The following CDKAL1 variants were observed in gnomAD, a reference collection of about 807,000 sequenced individuals.
CDKAL1 encodes threonylcarbamoyladenosine tRNA methylthiotransferase.
CDKAL1 carries 32 observed loss-of-function variants against 68.2 expected under a neutral mutation model. The ratio of observed to expected loss-of-function variants is 0.47; its 90% CI spans 0.35 to 0.63. CDKAL1 has a LOEUF of 0.63. Ranked by LOEUF, CDKAL1 falls within the 30% of genes least tolerant of loss-of-function variation. The pLI is 0.00. For missense variants in CDKAL1, 606 were observed against 696.7 expected (o/e 0.87, Z 1.47); for synonymous variants, 234 against 244.3 (o/e 0.96, Z 0.39).
At chr6:20,995,133 G>A (rs1394156980) in intron 10 of CDKAL1, among the ~76,000 whole-genome samples, 1 of 152,120 alleles carries the variant, frequency 6.6e-6, no homozygotes, top group Non-Finnish European at 1.5e-5. Flanking sequence ...CATATCTTCA[G>A]GCTCCACTTG....
intron 6 of CDKAL1, among the ~76,000 whole-genome samples, chr6:20,743,614 T>G (rs1159123005): frequency 6.6e-6 from 1 of 152,210 alleles, no homozygotes; most frequent in African/African-American, 2.4e-5. Context: ...TAAGCAATTT[T>G]TTGACCTCTG....
At chr6:21,138,901 T>C (rs1490156957) in intron 13 of CDKAL1, among the ~76,000 whole-genome samples, 2 of 152,214 alleles carry the variant, frequency 1.3e-5, no homozygotes, top group Non-Finnish European at 2.9e-5. Flanking sequence ...AGCTTCTCCT[T>C]TCTCCTTCTG....
intron 10 of CDKAL1, among the ~76,000 whole-genome samples, chr6:20,986,772 T>C (rs1327168123): frequency 1.3e-5 from 2 of 152,198 alleles, no homozygotes; most frequent in Non-Finnish European, 2.9e-5. Flanking sequence ...AGAACTGATA[T>C]GGCAGGTCAC....
intron 12 of CDKAL1, among the ~76,000 whole-genome samples, chr6:21,104,518 TA>T (rs144867495): frequency 2.5e-4 from 37 of 146,762 alleles, no homozygotes; most frequent in Middle Eastern, 3.4e-3. Context: ...AAACTTTATT[TA>T]AAAAAAAAAA....
At chr6:20,727,375 C>T (rs931378176) in intron 5 of CDKAL1, among the ~76,000 whole-genome samples, 1 of 152,106 alleles carries the variant, frequency 6.6e-6, no homozygotes, top group Non-Finnish European at 1.5e-5. Context: ...CAGGGTTTAA[C>T]AAATGAATGT....
chr6:20,625,526 T>A (rs1457474061), intron 4 of CDKAL1, among the ~76,000 whole-genome samples: 1 of 152,030 alleles, frequency 6.6e-6, no homozygotes, highest in Non-Finnish European at 1.5e-5. Context: ...TCCCTGAAAA[T>A]CAGTGCTTTC....
chr6:21,195,141 A>T (rs1778411422), intron 13 of CDKAL1, among the ~76,000 whole-genome samples: 1 of 152,004 alleles, frequency 6.6e-6, no homozygotes, highest in African/African-American at 2.4e-5. Flanking sequence ...TAGCCTTCCT[A>T]GGCTCAGTTT....
chr6:20,637,543 A>G (rs1767963221), intron 4 of CDKAL1, among the ~76,000 whole-genome samples: 1 of 152,228 alleles, frequency 6.6e-6, no homozygotes, highest in African/African-American at 2.4e-5. Flanking sequence ...AGCCTGGGCA[A>G]CAGAGCGAAA....
chr6:21,184,488 G>T (rs189827480), intron 13 of CDKAL1, among the ~76,000 whole-genome samples: 1 of 151,800 alleles, frequency 6.6e-6, no homozygotes, highest in Non-Finnish European at 1.5e-5. Context: ...GAGCCACCAC[G>T]CAGAAACCAG....
At chr6:20,544,424 C>T (rs545943718) in intron 2 of CDKAL1, among the ~76,000 whole-genome samples, 78 of 151,278 alleles carry the variant, frequency 5.2e-4, no homozygotes, top group African/African-American at 1.8e-3. Context: ...GGTGAAACCC[C>T]GTCTCTACTA....
chr6:20,902,217 T>A (rs1391534826), intron 9 of CDKAL1, among the ~76,000 whole-genome samples: 2 of 152,020 alleles, frequency 1.3e-5, no homozygotes, highest in African/African-American at 4.8e-5. Flanking sequence ...TTCCAAAGGA[T>A]CAGTAGCTGC....
At chr6:21,034,814 C>G (rs1195391254) in intron 11 of CDKAL1, among the ~76,000 whole-genome samples, 1 of 152,238 alleles carries the variant, frequency 6.6e-6, no homozygotes. Flanking sequence ...AAAAATCTTG[C>G]TTTGACTTGA....
chr6:20,719,676 A>C (rs1232837285), intron 5 of CDKAL1, among the ~76,000 whole-genome samples: 1 of 152,220 alleles, frequency 6.6e-6, no homozygotes. Context: ...TAAAAACCAC[A>C]CAGAAATGTA....
At chr6:20,973,919 T>C (rs1170795830) in intron 10 of CDKAL1, among the ~76,000 whole-genome samples, 1 of 152,206 alleles carries the variant, frequency 6.6e-6, no homozygotes, top group Non-Finnish European at 1.5e-5. Context: ...TCATCATTTC[T>C]GACTAGCAAT....
intron 7 of CDKAL1, among the ~76,000 whole-genome samples, chr6:20,773,524 T>C (rs1490419545): frequency 6.6e-6 from 1 of 152,126 alleles, no homozygotes; most frequent in Non-Finnish European, 1.5e-5. Context: ...ATATGTACGG[T>C]ACATTTATTT....
At chr6:20,775,334 T>C (rs1340749624) in intron 7 of CDKAL1, among the ~76,000 whole-genome samples, 1 of 152,174 alleles carries the variant, frequency 6.6e-6, no homozygotes, top group African/African-American at 2.4e-5. Flanking sequence ...TTGCTTTCTT[T>C]CTTTTCTCTT....
At position 20,749,721 on chromosome 6, in the gene CDKAL1, G is replaced by A. The variant is rs371660311; in HGVS notation, c.469-8874G>A. 1.3e-3 allele frequency among the ~76,000 whole-genome samples: 196 copies of A among 151,664 alleles called. 3 individuals are homozygous for A. In the Middle Eastern group the frequency reaches 0.014, roughly 11 times the overall value. On this transcript the variant is annotated intron_variant, in intron 6 of 15. Coordinates refer to ENST00000274695, the MANE Select transcript of CDKAL1 (RefSeq NM_017774.3). Reference sequence around the variant, plus strand: ...CGCCACCAAGCCTGGCTATTTTTTTGTATTTTTAGTAGAGATGGGGTCTCA... The same window carrying A: ...CGCCACCAAGCCTGGCTATTTTTTTATATTTTTAGTAGAGATGGGGTCTCA...
At chr6:20,771,554 G>A (rs1035390066) in intron 7 of CDKAL1, among the ~76,000 whole-genome samples, 27 of 152,140 alleles carry the variant, frequency 1.8e-4, no homozygotes, top group African/African-American at 6.3e-4. Context: ...GACTTGACAT[G>A]TTCATTTGTG....
chr6:21,032,095 C>G (rs895525517), intron 11 of CDKAL1, among the ~76,000 whole-genome samples: 2 of 152,096 alleles, frequency 1.3e-5, no homozygotes, highest in Non-Finnish European at 2.9e-5. Flanking sequence ...GACAACCAAC[C>G]CATGGATCTT....
Sources: allele counts gnomAD v4.1 joint callset (sites outside exome capture counted in the v4.1 genomes callset), GRCh38; gene constraint gnomAD v4.1.1; transcripts MANE v1.5; gene names NCBI Gene and HGNC (gene_info 2026-07-23, HGNC 2026-07-21).